ELF4: variants seen among roughly 807,000 people sequenced by gnomAD.
The protein encoded by ELF4 is E74 like ETS transcription factor 4.
In ELF4, 10 loss-of-function variants were observed where a neutral mutation model predicts 31.7. That is an observed-to-expected ratio of 0.32 (90% CI 0.19 to 0.54). ELF4 has a LOEUF of 0.54. Among genes scored for constraint, ELF4 ranks in the 20% least tolerant of loss-of-function variants. The probability of loss-of-function intolerance (pLI) is 0.95; values close to 1 mark genes in which losing one functional copy is unlikely to be tolerated. For synonymous variants in ELF4, 208 were observed against 226.7 expected (o/e 0.92, Z 0.74); for missense variants, 418 against 522.0 (o/e 0.80, Z 1.94).
Position 130,089,509 on chromosome X carries a change from C to CAAA in ELF4, c.-209-7973_-209-7971dup, listed in dbSNP as rs777456574. The stretch of plus-strand genomic sequence containing the variant: ...GGGCAACAAGAGTGAGACCTCAGCT[C>CAAA]AAAAAAAAAAAAAAAAAAAAAAAAA... On this transcript the variant is annotated intron_variant, in intron 1 of 8. Coordinates refer to ENST00000308167, the MANE Select transcript of ELF4 (RefSeq NM_001421.4). 8.0e-3 allele frequency among the ~76,000 whole-genome samples: 155 copies of CAAA among 19,429 alleles called. 49 individuals are homozygous for CAAA. Among genetic ancestry groups the CAAA allele is most frequent in the East Asian group, 0.023 (10 of 432 alleles). 16.9% of individuals were successfully genotyped at this position (19,429 alleles called of 115,157 possible). A position where few individuals can be genotyped will look rare whatever the true frequency, so the allele number is the denominator to read the frequency against.
intron 1 of ELF4, among the ~76,000 whole-genome samples, chrX:130,087,972 A>G (rs1932987849): frequency 8.9e-6 from 1 of 111,820 alleles, no homozygotes; most frequent in Admixed American, 9.6e-5. Context: ...AGAGAGGAAC[A>G]TTGCTTGGGA....
intron 1 of ELF4, among the ~76,000 whole-genome samples, chrX:130,096,471 A>G (rs1035219707): frequency 8.1e-5 from 9 of 111,533 alleles, no homozygotes; most frequent in Non-Finnish European, 1.5e-4. Flanking sequence ...GGCGTCAGCC[A>G]CCATGCCCTG....
Position 130,072,407 on chromosome X carries a change from G to A in ELF4, c.351C>T (p.Ser117=), listed in dbSNP as rs562403693. Residue 117 remains serine (S), a synonymous_variant, in exon 5 of 9, where the codon TCC becomes TCT. Transcript: ENST00000308167. ...CAGGGTCCGAGTCTGGAAGCATTTCGGAGGTACTGACTGCAAGAAGAAAGA... is the reference window on the plus strand; with the variant it reads ...CAGGGTCCGAGTCTGGAAGCATTTCAGAGGTACTGACTGCAAGAAGAAAGA... The part of the protein sequence containing the change: ...ILDEKQIFST[S]EMLPDSDPAP... The A allele has an allele frequency of 1.1e-5, 13 of 1,210,589 alleles. No individual in the cohort carries two copies. The highest frequency in any genetic ancestry group is 3.5e-5 in the South Asian group (2 of 56,838).
intron 1 of ELF4, among the ~76,000 whole-genome samples, chrX:130,103,930 G>C (rs754096919): frequency 1.8e-5 from 2 of 112,114 alleles, no homozygotes; most frequent in Admixed American, 9.4e-5. Context: ...AGTCCCCTGG[G>C]AGCTCTTCTG....
intron 1 of ELF4, among the ~76,000 whole-genome samples, chrX:130,102,884 G>GAAAGAAAGAAAGAAAGAAAGAAAGAA (rs59747310): frequency 2.3e-5 from 1 of 43,737 alleles, no homozygotes; most frequent in African/African-American, 1.1e-4. Flanking sequence ...GAGAGAGAGA[G>GAAAGAAAGAAAGAAAGAAAGAAAGAA]AGAAAGAAAG....
intron 2 of ELF4, among the ~76,000 whole-genome samples, chrX:130,075,845 T>C (rs1013160310): frequency 3.0e-4 from 33 of 111,537 alleles, no homozygotes; most frequent in African/African-American, 1.0e-3. Context: ...AGAGGCATTA[T>C]AGAAGTAGAA....
intron 1 of ELF4, among the ~76,000 whole-genome samples, chrX:130,105,558 GT>G (rs1933362965): frequency 8.9e-6 from 1 of 111,857 alleles, no homozygotes; most frequent in East Asian, 2.8e-4. Context: ...CTTCCTCCAT[GT>G]CCAGCCTTGG....
At chrX:130,084,135 G>A (rs1204203528) in intron 1 of ELF4, among the ~76,000 whole-genome samples, 1 of 112,454 alleles carries the variant, frequency 8.9e-6, no homozygotes, top group Non-Finnish European at 1.9e-5. Context: ...GCGTGGAGAC[G>A]TGTGCACGAG....
At chrX:130,109,646 G>A (rs1401599062) in intron 1 of ELF4, among the ~76,000 whole-genome samples, 2 of 111,976 alleles carry the variant, frequency 1.8e-5, no homozygotes, top group African/African-American at 6.5e-5. Flanking sequence ...GGAGGAGCCA[G>A]GAATTCATAA....
chrX:130,072,526 C>T (rs1932798163), intron 4 of ELF4, 109 bp from the exon 5 acceptor site: 2 of 781,611 alleles, frequency 2.6e-6, no homozygotes, highest in African/African-American at 2.0e-5. Flanking sequence ...GGCTCATCCC[C>T]CCAGCCCCAG....
chrX:130,111,219 C>G (rs1426544907), upstream of ELF4, among the ~76,000 whole-genome samples: 13 of 111,467 alleles, frequency 1.2e-4, no homozygotes, highest in Non-Finnish European at 1.9e-5. Context: ...CGGGCGGGCG[C>G]TCCCCACTCT....
At chrX:130,102,146 C>T (rs1360094922) in intron 1 of ELF4, among the ~76,000 whole-genome samples, 1 of 112,233 alleles carries the variant, frequency 8.9e-6, no homozygotes, top group East Asian at 2.8e-4. Flanking sequence ...GACTCCATCT[C>T]AAAATAAAAT....
rs750949918 is a variant in ELF4, at chrX:130,107,799, A to G, written c.-210+2526T>C. 2.7e-5 allele frequency among the ~76,000 whole-genome samples: 3 copies of G among 112,902 alleles called. No individual in the cohort carries two copies. The Admixed American group carries it at 2.8e-4, about 11-fold the overall frequency. On this transcript the variant is annotated intron_variant, in intron 1 of 8. Coordinates refer to ENST00000308167, the MANE Select transcript of ELF4 (RefSeq NM_001421.4). ...TTCATTCATGTATTTGATCCTCACC[A>G]AAGTGTTATAAAGTGGTCTCATGTG...
intron 2 of ELF4, among the ~76,000 whole-genome samples, chrX:130,080,886 G>A (rs1207740654): frequency 8.9e-6 from 1 of 112,690 alleles, no homozygotes; most frequent in Non-Finnish European, 1.9e-5. Flanking sequence ...GTGACACTTT[G>A]AGAGAAGAGA....
chrX:130,106,216 C>T (rs1055450450), intron 1 of ELF4, among the ~76,000 whole-genome samples: 1 of 108,619 alleles, frequency 9.2e-6, no homozygotes, highest in African/African-American at 3.4e-5. Flanking sequence ...CCTCCTCCAG[C>T]TGCTGCTGAC....
At chrX:130,093,956 G>A (rs1387272403) in intron 1 of ELF4, among the ~76,000 whole-genome samples, 2 of 112,410 alleles carry the variant, frequency 1.8e-5, no homozygotes, top group African/African-American at 6.5e-5. Context: ...CAGGGGCCGG[G>A]CGTGGTGGCT....
At chrX:130,071,304 C>T in intron 6 of ELF4, 32 bp downstream of exon 6, 1 of 1,209,613 alleles carries the variant, frequency 8.3e-7, no homozygotes, top group Non-Finnish European at 1.1e-6. Context: ...GGGGCTCCCT[C>T]CCCACCTCAC....
intron 1 of ELF4, among the ~76,000 whole-genome samples, chrX:130,101,948 C>T (rs915963488): frequency 8.9e-6 from 1 of 111,890 alleles, no homozygotes; most frequent in Non-Finnish European, 1.9e-5. Context: ...ACCAGCCTGG[C>T]CAACATGGTG....
At position 130,071,399 on chromosome X, in the gene ELF4, G is replaced by A. The variant is rs1569402390; in HGVS notation, c.553C>T (p.Arg185Ter). 2.5e-6 allele frequency: 3 copies of A among 1,211,565 alleles called. No homozygotes were observed. The highest frequency in any genetic ancestry group is 1.7e-5 in the African/African-American group (1 of 57,770). ...KKRIRKTKGN[R>*]STSPVTDPSI... ...GGGTCAGTGACAGGTGAGGTACTTC[G>A]GTTGCCCTTGGTCTTCCGGACTATG... Residue 185 changes from arginine (R) to a stop codon, truncating the protein, a stop_gained, in exon 6 of 9, where the codon CGA (arginine) becomes TGA (stop). Coordinates refer to ENST00000308167, the MANE Select transcript of ELF4 (RefSeq NM_001421.4). LOFTEE classifies it high-confidence loss of function.
Sources: allele counts gnomAD v4.1 joint callset (sites outside exome capture counted in the v4.1 genomes callset), GRCh38; gene constraint gnomAD v4.1.1; transcripts MANE v1.5; gene names NCBI Gene and HGNC (gene_info 2026-07-23, HGNC 2026-07-21).